The following STXBP5L variants were observed in gnomAD, a reference collection of about 807,000 sequenced individuals.
STXBP5L encodes the protein syntaxin-binding protein 5-like.
A neutral mutation model predicts 144.5 loss-of-function variants in STXBP5L; 65 were observed. That is an observed-to-expected ratio of 0.45 (90% CI 0.37 to 0.55). The LOEUF (loss-of-function observed/expected upper bound fraction) is 0.55, where lower values mean the gene tolerates loss of function less well. Ranked by LOEUF, STXBP5L falls within the 20% of genes least tolerant of loss-of-function variation. The pLI is 0.00. For synonymous variants in STXBP5L, 505 were observed against 469.6 expected (o/e 1.08, Z -0.97); for missense variants, 1,298 against 1,405.5 (o/e 0.92, Z 1.22).
At chr3:121,361,593 G>T (rs58413538) in intron 20 of STXBP5L, among the ~76,000 whole-genome samples, 3 of 151,798 alleles carry the variant, frequency 2.0e-5, no homozygotes, top group Admixed American at 6.6e-5. Flanking sequence ...GCATTCTTCA[G>T]TATGCCAGTT....
intron 20 of STXBP5L, among the ~76,000 whole-genome samples, chr3:121,360,328 A>G (rs542474941): frequency 2.5e-4 from 38 of 151,760 alleles, no homozygotes; most frequent in African/African-American, 2.7e-4. Flanking sequence ...CAGCAGATCA[A>G]TGGATCTTTT....
chr3:121,290,130 G>C (rs2051373733), intron 19 of STXBP5L, among the ~76,000 whole-genome samples: 1 of 151,970 alleles, frequency 6.6e-6, no homozygotes, highest in Non-Finnish European at 1.5e-5. Context: ...TCTTTGAAAA[G>C]ATTAACAAAA....
chr3:121,280,072 C>T, intron 19 of STXBP5L, 116 bp downstream of exon 19: 1 of 1,222,436 alleles, frequency 8.2e-7, no homozygotes, highest in African/African-American at 1.5e-5. Context: ...ATAAAATCAA[C>T]ATAATTTACA....
chr3:121,419,633 A>T lies in STXBP5L; in HGVS notation c.*536A>T, dbSNP rs1169539745. 6.6e-6 allele frequency: 1 copy of T among 152,274 alleles called. No individual in the cohort carries two copies. Among genetic ancestry groups the T allele is most frequent in the Non-Finnish European group, 1.5e-5 (1 of 68,088 alleles). The allele number at this position is 152,274 out of a possible 1,614,324, so 9.4% of individuals were successfully genotyped here. On this transcript the variant is annotated 3_prime_UTR_variant, in exon 27 of 27. Transcript: ENST00000471454. ...ATACCCAACTGAAACGGAAAACAAA[A>T]CAAAACAAGAACCCAGAGTTTTCTC...
chr3:120,973,789 C>T (rs957961653), intron 3 of STXBP5L, among the ~76,000 whole-genome samples: 6 of 150,934 alleles, frequency 4.0e-5, no homozygotes, highest in Admixed American at 6.7e-5. Context: ...TGAGAACATG[C>T]GGTGTTTGGT....
At chr3:121,391,864 G>A (rs2046595510) in intron 22 of STXBP5L, among the ~76,000 whole-genome samples, 3 of 152,194 alleles carry the variant, frequency 2.0e-5, no homozygotes, top group African/African-American at 7.2e-5. Context: ...GGGGTTCAGG[G>A]ACCCACTTGA....
intron 20 of STXBP5L, chr3:121,357,673 A>G (rs974937246): frequency 6.6e-6 from 1 of 152,234 alleles, no homozygotes; most frequent in Non-Finnish European, 1.5e-5. Context: ...TGTCATGAAT[A>G]TATCATTTGT....
intron 3 of STXBP5L, among the ~76,000 whole-genome samples, chr3:120,988,011 C>T (rs997321155): frequency 1.7e-4 from 26 of 150,568 alleles, no homozygotes; most frequent in African/African-American, 6.1e-4. Flanking sequence ...TTGCCTTCAT[C>T]TTGGTTTAGT....
chr3:121,258,420 A>AT (rs1243539260), intron 17 of STXBP5L, among the ~76,000 whole-genome samples: 8 of 152,216 alleles, frequency 5.3e-5, no homozygotes, highest in African/African-American at 1.9e-4. Context: ...ATACTTTTGT[A>AT]ATCATTGATT....
intron 9 of STXBP5L, among the ~76,000 whole-genome samples, chr3:121,181,986 A>G (rs2047175321): frequency 6.6e-6 from 1 of 152,114 alleles, no homozygotes; most frequent in Non-Finnish European, 1.5e-5. Flanking sequence ...AATCCTAAAT[A>G]TATATGTACC....
intron 5 of STXBP5L, among the ~76,000 whole-genome samples, chr3:121,088,449 C>T (rs1312910108): frequency 9.6e-6 from 1 of 104,270 alleles, no homozygotes; most frequent in Non-Finnish European, 1.9e-5. Context: ...ACAACAGGTG[C>T]TGGAGAGGAT....
At chr3:121,122,376 T>C (rs542284411) in intron 7 of STXBP5L, among the ~76,000 whole-genome samples, 93 of 151,312 alleles carry the variant, frequency 6.1e-4, no homozygotes, top group Admixed American at 1.6e-3. Context: ...GATCCACAAG[T>C]ACAATGTAAT....
At chr3:121,418,631 C>G in intron 26 of STXBP5L, 74 bp downstream of exon 26, 4 of 1,390,768 alleles carry the variant, frequency 2.9e-6, no homozygotes, top group Non-Finnish European at 4.0e-6. Flanking sequence ...CACAAGAAAG[C>G]TTAAACAGAG....
chr3:121,313,218 G>C (rs2043613873), intron 19 of STXBP5L, among the ~76,000 whole-genome samples: 1 of 129,046 alleles, frequency 7.7e-6, no homozygotes. Context: ...AAGGGGGGCT[G>C]ACCCCCCCCA....
chr3:121,265,976 G>A (rs1424380777), intron 18 of STXBP5L, among the ~76,000 whole-genome samples: 3 of 152,110 alleles, frequency 2.0e-5, no homozygotes. Context: ...TAAAATTGAG[G>A]CAGTAATTAA....
At chr3:121,123,290 C>T (rs892806483) in intron 7 of STXBP5L, among the ~76,000 whole-genome samples, 15 of 151,532 alleles carry the variant, frequency 9.9e-5, no homozygotes, top group Non-Finnish European at 2.1e-4. Context: ...ACATTTAAAA[C>T]ATATATTCGT....
At chr3:121,159,924 G>T (rs184722735) in intron 9 of STXBP5L, among the ~76,000 whole-genome samples, 2 of 152,048 alleles carry the variant, frequency 1.3e-5, no homozygotes, top group African/African-American at 4.8e-5. Context: ...GAGCCACCGC[G>T]CCCGGCCGAC....
At position 121,121,721 on chromosome 3, in the gene STXBP5L, C is replaced by G. The variant is rs369318193; in HGVS notation, c.669+17C>G. The G allele has an allele frequency of 6.4e-6, 10 of 1,555,082 alleles. No homozygotes were observed. The African/African-American group carries it at 1.4e-4, about 21-fold the overall frequency. Reference sequence around the variant, plus strand: ...GAAGGCAAAGTGAGTATTATGATATCTTTATTATTAGTTTTATTTTCCTCA... The same window carrying G: ...GAAGGCAAAGTGAGTATTATGATATGTTTATTATTAGTTTTATTTTCCTCA... On this transcript the variant is annotated intron_variant, in intron 7 of 26. Transcript: ENST00000471454.
At chr3:121,330,430 G>A (rs1398994362) in intron 20 of STXBP5L, among the ~76,000 whole-genome samples, 1 of 152,196 alleles carries the variant, frequency 6.6e-6, no homozygotes, top group South Asian at 2.1e-4. Context: ...TGGAGAGCTA[G>A]AGTGCAGACT....
Sources: allele counts gnomAD v4.1 joint callset (sites outside exome capture counted in the v4.1 genomes callset), GRCh38; gene constraint gnomAD v4.1.1; transcripts MANE v1.5; gene names NCBI Gene and HGNC (gene_info 2026-07-23, HGNC 2026-07-21).